Variants in LSM14A observed in about 807,000 individuals in gnomAD.
LSM14A encodes the protein protein LSM14 homolog A.
LSM14A carries 14 observed loss-of-function variants against 52.4 expected under a neutral mutation model. That is an observed-to-expected ratio of 0.27 (90% CI 0.18 to 0.42). The LOEUF (loss-of-function observed/expected upper bound fraction) is 0.42, where lower values mean the gene tolerates loss of function less well. Ranked by LOEUF, LSM14A falls within the 10% of genes least tolerant of loss-of-function variation. The pLI is 1.00. For synonymous variants in LSM14A, 185 were observed against 200.3 expected, an observed-to-expected ratio of 0.92 and a Z score of 0.64; for missense variants, 417 against 581.8, an observed-to-expected ratio of 0.72 and a Z score of 2.91.
Position 34,209,032 on chromosome 19 carries a change from A to G in LSM14A, c.519A>G (p.Leu173=). 6.3e-7 allele frequency: 1 copy of G among 1,583,394 alleles called. No homozygotes were observed. The highest frequency in any genetic ancestry group is 8.6e-7 in the Non-Finnish European group (1 of 1,162,474). The change falls in exon 4 of 10, where the codon CTA becomes CTG. Residue 173 remains leucine, a synonymous_variant. Coordinates refer to ENST00000544216, the MANE Select transcript of LSM14A (RefSeq NM_015578.4). ...CCTTTACACAGGATACAAGATCTCT[A>G]AAAACACAGTTATCTCAAGGTAAGC... ...GSAFTQDTRS[L]KTQLSQGRSS...
At chr19:34,176,511 A>G (rs891469038) in intron 1 of LSM14A, among the ~76,000 whole-genome samples, 4 of 152,216 alleles carry the variant, frequency 2.6e-5, no homozygotes, top group Admixed American at 1.3e-4. Flanking sequence ...TCTGACATTT[A>G]TAGTTTTACC....
At chr19:34,197,431 C>CTTTT (rs531343486) in intron 3 of LSM14A, among the ~76,000 whole-genome samples, 470 of 62,888 alleles carry the variant, frequency 7.5e-3, no homozygotes, top group Middle Eastern at 0.018. Context: ...ATTTCTTTTT[C>CTTTT]TTTTTTTTTT....
In LSM14A at chr19:34,216,763, G is replaced by A. The variant is rs2072634067; in HGVS notation, c.781+1102G>A. Among the ~76,000 whole-genome samples, 4 of 152,162 alleles carry A rather than the reference G, an allele frequency of 2.6e-5. No homozygotes were observed. The South Asian group carries it at 8.3e-4, about 31-fold the overall frequency. On this transcript the variant is annotated intron_variant, in intron 6 of 9. Transcript: ENST00000544216. ...GTGAGCCACCGCACCCAGCCAGGCA[G>A]TTATCTTTTAATATGTTCTTGAGTA... is the stretch of plus-strand genomic sequence containing the variant.
intron 5 of LSM14A, 136 bp downstream of exon 5, chr19:34,215,436 C>T: frequency 1.7e-6 from 2 of 1,157,690 alleles, no homozygotes; most frequent in Admixed American, 2.7e-5. Context: ...TTTGGTCTTT[C>T]AAATTTGACT....
intron 4 of LSM14A, among the ~76,000 whole-genome samples, chr19:34,211,786 T>G (rs951194290): frequency 6.9e-6 from 1 of 144,730 alleles, no homozygotes; most frequent in African/African-American, 2.6e-5. Flanking sequence ...CAAGACCCTG[T>G]CCCCCCCCAA....
chr19:34,202,330 C>CA (rs904493119), intron 3 of LSM14A, among the ~76,000 whole-genome samples: 243 of 128,418 alleles, frequency 1.9e-3, no homozygotes, highest in Middle Eastern at 7.6e-3. Context: ...CCTGGCTCTA[C>CA]AAAAAAAAAA....
intron 1 of LSM14A, among the ~76,000 whole-genome samples, chr19:34,176,376 CAA>C (rs1215535905): frequency 1.3e-5 from 2 of 151,472 alleles, no homozygotes; most frequent in Non-Finnish European, 2.9e-5. Flanking sequence ...TATTTTTAAA[CAA>C]ACATCTTTGT....
At chr19:34,212,858 TTCTGTAGTACTTG>T (rs2072271798) in intron 4 of LSM14A, among the ~76,000 whole-genome samples, 1 of 152,238 alleles carries the variant, frequency 6.6e-6, no homozygotes, top group Non-Finnish European at 1.5e-5. Context: ...TTGCTTGTAC[TTCTGTAGTACTTG>T]TGAGCCATAG....
chr19:34,175,294 A>G lies in LSM14A; in HGVS notation c.121+2531A>G, dbSNP rs530929319. 3.3e-5 allele frequency among the ~76,000 whole-genome samples: 5 copies of G among 151,560 alleles called. No homozygotes were observed. The South Asian group carries it at 1.0e-3, about 32-fold the overall frequency. ...TGCCCAGGCCGGAGTGCAGTGGCAC[A>G]ATCCTGGCTCCCTGTAACCTCTGCC... On this transcript the variant is annotated intron_variant, in intron 1 of 9. Transcript: ENST00000544216.
In LSM14A at chr19:34,206,773, G is replaced by A. The variant is rs75087631; in HGVS notation, c.416-2156G>A. ...CTGAAATACCAACTGTGACTGGATC[G>A]TTACAAGAAAATTATAGATCATTGT... On this transcript the variant is annotated intron_variant, in intron 3 of 9. Transcript: ENST00000544216. Among the ~76,000 whole-genome samples, 775 of 152,256 alleles carry A rather than the reference G, an allele frequency of 5.1e-3. 6 individuals carry two copies. The highest frequency in any genetic ancestry group is 0.018 in the African/African-American group (738 of 41,556).
At chr19:34,190,537 CA>C (rs555521021) in intron 1 of LSM14A, among the ~76,000 whole-genome samples, 1,579 of 126,984 alleles carry the variant, frequency 0.012, 10 homozygotes, top group South Asian at 0.024. Context: ...ATCAACTAGC[CA>C]AAAAAAAAAA....
At chr19:34,212,837 C>T (rs968827990) in intron 4 of LSM14A, among the ~76,000 whole-genome samples, 1 of 152,118 alleles carries the variant, frequency 6.6e-6, no homozygotes, top group African/African-American at 2.4e-5. Context: ...GTACTTGCTC[C>T]GATTGCCCCA....
intron 1 of LSM14A, among the ~76,000 whole-genome samples, chr19:34,180,356 G>T (rs935419720): frequency 6.6e-6 from 1 of 152,154 alleles, no homozygotes; most frequent in Admixed American, 6.5e-5. Context: ...ATGCCAGTTG[G>T]AATACTTAGC....
At chr19:34,205,154 A>C (rs140214538) in intron 3 of LSM14A, among the ~76,000 whole-genome samples, 1,526 of 152,002 alleles carry the variant, frequency 0.01, 27 homozygotes, top group African/African-American at 0.035. Flanking sequence ...AAAGAAAATA[A>C]GAATTTTTAA....
chr19:34,211,349 TGAG>T (rs1009944857), intron 4 of LSM14A, among the ~76,000 whole-genome samples: 14 of 151,494 alleles, frequency 9.2e-5, no homozygotes, highest in African/African-American at 2.4e-4. Context: ...GATTATGTAA[TGAG>T]GAGAAAAGAT....
intron 3 of LSM14A, among the ~76,000 whole-genome samples, chr19:34,197,509 G>A (rs1313384009): frequency 9.1e-5 from 11 of 120,474 alleles, no homozygotes; most frequent in South Asian, 2.8e-4. Flanking sequence ...CATGATCTCC[G>A]CTCACTGCAA....
At chr19:34,173,116 A>G (rs1055181337) in intron 1 of LSM14A, among the ~76,000 whole-genome samples, 1 of 152,258 alleles carries the variant, frequency 6.6e-6, no homozygotes, top group Non-Finnish European at 1.5e-5. Flanking sequence ...CGGAGTATTC[A>G]AAGAATTTTT....
At chr19:34,212,570 G>A (rs2072248904) in intron 4 of LSM14A, among the ~76,000 whole-genome samples, 1 of 152,134 alleles carries the variant, frequency 6.6e-6, no homozygotes, top group South Asian at 2.1e-4. Context: ...CTAAGAGTTT[G>A]CATTTAAGTT....
chr19:34,189,905 A>C (rs1354596623), intron 1 of LSM14A, among the ~76,000 whole-genome samples: 1 of 152,196 alleles, frequency 6.6e-6, no homozygotes, highest in Non-Finnish European at 1.5e-5. Flanking sequence ...AGGTGACCAG[A>C]AGTGGTGGCA....
Sources: gnomAD v4.1 joint callset for allele counts (sites outside exome capture counted in the v4.1 genomes callset) on GRCh38, gnomAD v4.1.1 for gene constraint, MANE v1.5 for transcripts, NCBI Gene and HGNC (gene_info 2026-07-23, HGNC 2026-07-21) for gene names.